The following C8orf34 variants were observed in gnomAD, a reference collection of about 807,000 sequenced individuals.
The protein encoded by C8orf34 is uncharacterized protein C8orf34.
C8orf34 carries 65 observed loss-of-function variants against 68.3 expected under a neutral mutation model. The observed-to-expected ratio is 0.95, with a 90% CI of 0.78 to 1.17. The LOEUF is 1.17. C8orf34 is among the 50% of genes most tolerant of loss of function. C8orf34 has a pLI of 0.00. For synonymous variants in C8orf34, 244 were observed against 241.2 expected (o/e 1.01, Z -0.11); for missense variants, 664 against 655.4 (o/e 1.01, Z -0.14).
At chr8:68,799,208 T>A (rs1387564513) in intron 12 of C8orf34, among the ~76,000 whole-genome samples, 1 of 152,252 alleles carries the variant, frequency 6.6e-6, no homozygotes, top group East Asian at 1.9e-4. Flanking sequence ...TTTTTAATTA[T>A]TTTATTAAAC....
rs572762672 is a variant in C8orf34, at chr8:68,591,408, G to A, written c.1106-48968G>A. Among the ~76,000 whole-genome samples the A allele has an allele frequency of 3.7e-4, 56 of 152,220 alleles. 1 individual carries two copies. The highest frequency in any genetic ancestry group is 1.3e-3 in the African/African-American group (52 of 41,544). ...TTATTGCTGCTTTAAAGGTAACTGA[G>A]CCCCACCTCATTAATGTTACTCATG... On this transcript the variant is annotated intron_variant, in intron 7 of 13. Transcript: ENST00000518698.
intron 2 of C8orf34, among the ~76,000 whole-genome samples, chr8:68,439,877 A>G (rs1477237545): frequency 6.6e-6 from 1 of 152,216 alleles, no homozygotes; most frequent in African/African-American, 2.4e-5. Flanking sequence ...TTTAATACAG[A>G]TAAGATTCAG....
rs74456290 is a variant in C8orf34, at chr8:68,812,278, T to G, written c.1550-3608T>G. 4.0e-3 allele frequency among the ~76,000 whole-genome samples: 615 copies of G among 152,316 alleles called. 2 individuals are homozygous for G. Among genetic ancestry groups the G allele is most frequent in the African/African-American group, 0.013 (541 of 41,574 alleles). On this transcript the variant is annotated intron_variant, in intron 12 of 13. Transcript: ENST00000518698. ...GAATAAAATAAATAGCATTTAGTAA[T>G]TACATTAAGTATGTTTTCAATCCCA...
chr8:68,439,439 G>A (rs1810803154), intron 1 of C8orf34, 60 bp from the exon 2 acceptor site: 4 of 1,524,212 alleles, frequency 2.6e-6, no homozygotes, highest in African/African-American at 2.8e-5. Flanking sequence ...CTAAGTAAGT[G>A]CTTGCTATTA....
chr8:68,468,896 AACCC>A, intron 4 of C8orf34, 76 bp downstream of exon 4: 2 of 1,479,972 alleles, frequency 1.4e-6, no homozygotes. Context: ...TTGTGCCAAT[AACCC>A]ATTTCTAACA....
intron 8 of C8orf34, among the ~76,000 whole-genome samples, chr8:68,691,347 T>G (rs1820680070): frequency 6.6e-6 from 1 of 152,074 alleles, no homozygotes; most frequent in South Asian, 2.1e-4. Context: ...GGGGACATAA[T>G]GCTATCGCAC....
chr8:68,627,036 C>G (rs1047868035), intron 7 of C8orf34, among the ~76,000 whole-genome samples: 2 of 151,772 alleles, frequency 1.3e-5, no homozygotes, highest in African/African-American at 4.8e-5. Flanking sequence ...AAATGATGAG[C>G]TTTTGCAAGA....
intron 1 of C8orf34, among the ~76,000 whole-genome samples, chr8:68,428,150 A>C (rs929659788): frequency 6.6e-6 from 1 of 151,822 alleles, no homozygotes; most frequent in Non-Finnish European, 1.5e-5. Flanking sequence ...AATATCTTCA[A>C]GCTTAAAAAG....
intron 12 of C8orf34, among the ~76,000 whole-genome samples, chr8:68,815,110 C>A (rs945998300): frequency 2.0e-5 from 3 of 151,972 alleles, no homozygotes; most frequent in Non-Finnish European, 4.4e-5. Flanking sequence ...TATTTCCATT[C>A]TTTTCGAGAC....
chr8:68,622,209 C>A (rs1818407043), intron 7 of C8orf34, among the ~76,000 whole-genome samples: 1 of 152,208 alleles, frequency 6.6e-6, no homozygotes, highest in African/African-American at 2.4e-5. Flanking sequence ...GCCAAGAAAG[C>A]AATAAAGTAT....
intron 3 of C8orf34, among the ~76,000 whole-genome samples, chr8:68,468,074 G>A (rs1812225351): frequency 6.6e-6 from 1 of 151,866 alleles, no homozygotes; most frequent in South Asian, 2.1e-4. Flanking sequence ...TGATTTTCTT[G>A]GCATTCCTCT....
At chr8:68,767,099 C>T (rs1013092001) in intron 10 of C8orf34, among the ~76,000 whole-genome samples, 7 of 152,110 alleles carry the variant, frequency 4.6e-5, no homozygotes, top group Non-Finnish European at 2.9e-5. Flanking sequence ...GAGGCTAAGG[C>T]AGGAGAATCA....
At chr8:68,464,885 C>T (rs1412880995) in intron 3 of C8orf34, among the ~76,000 whole-genome samples, 44 of 152,124 alleles carry the variant, frequency 2.9e-4, no homozygotes, top group Admixed American at 2.2e-3. Context: ...AGGACATAGG[C>T]ATGTGCAAGG....
chr8:68,597,665 C>G (rs1249265579), intron 7 of C8orf34, among the ~76,000 whole-genome samples: 5 of 151,618 alleles, frequency 3.3e-5, no homozygotes, highest in Admixed American at 6.6e-5. Flanking sequence ...AGGAAGAACC[C>G]CAAAGGGACT....
chr8:68,417,765 T>G (rs1453385869), intron 1 of C8orf34, among the ~76,000 whole-genome samples: 2 of 152,120 alleles, frequency 1.3e-5, no homozygotes. Context: ...TAGGATTGAC[T>G]TGGCGATGCG....
chr8:68,367,840 G>A (rs1377470372), intron 1 of C8orf34, among the ~76,000 whole-genome samples: 8 of 118,726 alleles, frequency 6.7e-5, no homozygotes, highest in South Asian at 3.1e-4. Flanking sequence ...CATGGCACAT[G>A]TATACATATG....
chr8:68,577,699 T>C (rs955686573), intron 7 of C8orf34, among the ~76,000 whole-genome samples: 9 of 151,902 alleles, frequency 5.9e-5, no homozygotes, highest in African/African-American at 1.7e-4. Context: ...GAAATGAATA[T>C]GAGTAACATA....
chr8:68,732,171 T>G (rs72666794), intron 10 of C8orf34, among the ~76,000 whole-genome samples: 2 of 152,246 alleles, frequency 1.3e-5, no homozygotes, highest in Non-Finnish European at 2.9e-5. Context: ...GGTTAAAGTA[T>G]ATGAACTATT....
chr8:68,626,004 G>A (rs16934792), intron 7 of C8orf34, among the ~76,000 whole-genome samples: 10,602 of 152,190 alleles, frequency 0.07, 528 homozygotes, highest in African/African-American at 0.14. Context: ...GTTGCTTGAT[G>A]CATTGAAAAT....
Sources: allele counts gnomAD v4.1 joint callset (sites outside exome capture counted in the v4.1 genomes callset), GRCh38; gene constraint gnomAD v4.1.1; transcripts MANE v1.5; gene names NCBI Gene and HGNC (gene_info 2026-07-23, HGNC 2026-07-21).